The following CADM2 variants were observed in gnomAD, a reference collection of about 807,000 sequenced individuals.
CADM2 encodes the protein cell adhesion molecule 2.
A neutral mutation model predicts 49.8 loss-of-function variants in CADM2; 12 were observed. That is an observed-to-expected ratio of 0.24 (90% CI 0.15 to 0.39). The LOEUF is 0.39. Ranked by LOEUF, CADM2 falls within the 10% of genes least tolerant of loss-of-function variation. The pLI, the probability that CADM2 is intolerant of heterozygous loss-of-function variation, is 1.00. For synonymous variants in CADM2, 214 were observed against 175.4 expected (o/e 1.22, Z -1.74); for missense variants, 378 against 492.3 (o/e 0.77, Z 2.20).
intron 1 of CADM2, among the ~76,000 whole-genome samples, chr3:85,186,239 G>A (rs752918267): frequency 6.5e-4 from 99 of 152,218 alleles, no homozygotes; most frequent in Middle Eastern, 3.4e-3. Context: ...AAATTCCTCT[G>A]AAATTATCAA....
chr3:85,891,702 G>A (rs1714457399), intron 5 of CADM2, among the ~76,000 whole-genome samples: 1 of 152,182 alleles, frequency 6.6e-6, no homozygotes, highest in Non-Finnish European at 1.5e-5. Flanking sequence ...AAAGAACTGT[G>A]GGTGACCTCT....
At chr3:85,330,301 C>G (rs1269155957) in intron 1 of CADM2, among the ~76,000 whole-genome samples, 3 of 152,010 alleles carry the variant, frequency 2.0e-5, no homozygotes, top group Non-Finnish European at 4.4e-5. Context: ...CGCTTGTTCT[C>G]TTTTGAACTC....
chr3:85,362,752 T>A (rs897375193), intron 1 of CADM2, among the ~76,000 whole-genome samples: 1 of 152,212 alleles, frequency 6.6e-6, no homozygotes, highest in Admixed American at 6.5e-5. Flanking sequence ...TATGCATTTG[T>A]TGTCACTGCA....
chr3:85,206,903 G>T (rs1349163670), intron 1 of CADM2, among the ~76,000 whole-genome samples: 8 of 151,848 alleles, frequency 5.3e-5, no homozygotes, highest in Non-Finnish European at 1.2e-4. Context: ...TATAATATTG[G>T]AAATGGTTTG....
chr3:85,670,410 C>T (rs1178400872), intron 1 of CADM2, among the ~76,000 whole-genome samples: 2 of 151,942 alleles, frequency 1.3e-5, no homozygotes, highest in Non-Finnish European at 2.9e-5. Flanking sequence ...AAACCTAACC[C>T]TCATTTTAAA....
intron 1 of CADM2, chr3:85,511,874 T>C (rs1437487510): frequency 5.1e-6 from 5 of 982,970 alleles, no homozygotes; most frequent in Non-Finnish European, 6.0e-6. Context: ...CATTAATCAT[T>C]CCAGTGTAAT....
intron 7 of CADM2, among the ~76,000 whole-genome samples, chr3:85,947,408 TG>T (rs1345870949): frequency 6.6e-6 from 1 of 151,712 alleles, no homozygotes; most frequent in African/African-American, 2.4e-5. Flanking sequence ...TCTGTGTGTG[TG>T]TTGTACTTTG....
At chr3:85,630,507 G>A (rs1054317354) in intron 1 of CADM2, among the ~76,000 whole-genome samples, 2 of 151,952 alleles carry the variant, frequency 1.3e-5, no homozygotes, top group African/African-American at 4.8e-5. Context: ...ATAAAATCAT[G>A]TGAGTAGATC....
At chr3:85,860,534 A>G (rs999474271) in intron 3 of CADM2, among the ~76,000 whole-genome samples, 1 of 152,158 alleles carries the variant, frequency 6.6e-6, no homozygotes, top group Non-Finnish European at 1.5e-5. Flanking sequence ...TATTTCTCAC[A>G]GTTCTGGAGG....
At chr3:85,080,057 C>G (rs1575822321) in intron 1 of CADM2, among the ~76,000 whole-genome samples, 1 of 151,920 alleles carries the variant, frequency 6.6e-6, no homozygotes, top group East Asian at 1.9e-4. Context: ...TTAAATATCT[C>G]AAACAAATAT....
chr3:84,974,199 T>C (rs1048278551), intron 1 of CADM2, among the ~76,000 whole-genome samples: 1 of 151,262 alleles, frequency 6.6e-6, no homozygotes, highest in South Asian at 2.1e-4. Flanking sequence ...ATGATATACA[T>C]GTTAAAATAG....
chr3:85,193,277 C>A (rs1380410399), intron 1 of CADM2, among the ~76,000 whole-genome samples: 2 of 151,932 alleles, frequency 1.3e-5, no homozygotes. Flanking sequence ...ATCATTTTCT[C>A]TGGTCTTTAT....
At chr3:85,252,886 T>C (rs2042805921) in intron 1 of CADM2, among the ~76,000 whole-genome samples, 1 of 152,166 alleles carries the variant, frequency 6.6e-6, no homozygotes, top group Non-Finnish European at 1.5e-5. Context: ...ATCATCATTA[T>C]GTAAAATTCC....
intron 1 of CADM2, among the ~76,000 whole-genome samples, chr3:85,049,105 C>T (rs1418539162): frequency 1.3e-5 from 2 of 152,078 alleles, no homozygotes; most frequent in African/African-American, 4.8e-5. Flanking sequence ...TAGAGTGATT[C>T]ATTCCGATGA....
intron 1 of CADM2, among the ~76,000 whole-genome samples, chr3:85,577,203 G>A (rs1349956294): frequency 6.6e-6 from 1 of 152,016 alleles, no homozygotes; most frequent in Non-Finnish European, 1.5e-5. Flanking sequence ...GCTTCTTTCA[G>A]TTGCATTTAA....
At chr3:85,604,286 G>C (rs1265168301) in intron 1 of CADM2, among the ~76,000 whole-genome samples, 2 of 151,864 alleles carry the variant, frequency 1.3e-5, no homozygotes, top group East Asian at 3.9e-4. Context: ...TCAGTAACGT[G>C]ACTATCATAA....
At position 85,697,713 on chromosome 3, in the gene CADM2, G is replaced by A. The variant is rs148653806; in HGVS notation, c.62-28809G>A. ...ACATGGAATATGTGAAAAGCATGTG[G>A]GAAGACACAAATTATTGACAGTGTT... On this transcript the variant is annotated intron_variant, in intron 1 of 9. Coordinates refer to ENST00000383699, the MANE Select transcript of CADM2 (RefSeq NM_001167675.2). 4.7e-3 allele frequency among the ~76,000 whole-genome samples: 711 copies of A among 152,228 alleles called. 8 individuals are homozygous for A. The highest frequency in any genetic ancestry group is 0.016 in the African/African-American group (685 of 41,536).
chr3:85,174,469 C>A (rs1465640216), intron 1 of CADM2, among the ~76,000 whole-genome samples: 1 of 151,180 alleles, frequency 6.6e-6, no homozygotes, highest in Non-Finnish European at 1.5e-5. Flanking sequence ...AAAATTTCTG[C>A]TGAAATTTCT....
At chr3:85,862,529 A>C (rs540870601) in intron 3 of CADM2, among the ~76,000 whole-genome samples, 2 of 152,290 alleles carry the variant, frequency 1.3e-5, no homozygotes, top group African/African-American at 4.8e-5. Context: ...TCCCCAAATG[A>C]AAACAACATA....
Sources: gnomAD v4.1 joint callset for allele counts (sites outside exome capture counted in the v4.1 genomes callset) on GRCh38, gnomAD v4.1.1 for gene constraint, MANE v1.5 for transcripts, NCBI Gene and HGNC (gene_info 2026-07-23, HGNC 2026-07-21) for gene names.